RPS6KC1: variants seen among roughly 807,000 people sequenced by gnomAD.
RPS6KC1 encodes inactive ribosomal protein S6 kinase delta-1.
Under a neutral mutation model 103.8 loss-of-function variants are expected in RPS6KC1, and 54 were observed. The observed-to-expected ratio is 0.52, with a 90% CI of 0.42 to 0.65. The LOEUF (loss-of-function observed/expected upper bound fraction) is 0.65, where lower values mean the gene tolerates loss of function less well. Among genes scored for constraint, RPS6KC1 ranks in the 30% least tolerant of loss-of-function variants. The probability of loss-of-function intolerance (pLI) is 0.00; values close to 1 mark genes in which losing one functional copy is unlikely to be tolerated. For missense variants in RPS6KC1, 1,151 were observed against 1,253.8 expected (o/e 0.92, Z 1.24); for synonymous variants, 439 against 438.7 (o/e 1.00, Z -0.01).
intron 6 of RPS6KC1, among the ~76,000 whole-genome samples, chr1:213,149,587 A>G (rs1026992733): frequency 2.6e-4 from 40 of 152,206 alleles, no homozygotes; most frequent in African/African-American, 9.4e-4. Flanking sequence ...CTTGGAAATG[A>G]TCAATGTAGT....
chr1:213,762,900 C>T, the RPS6KC1 span, among the ~76,000 whole-genome samples: 1 of 148,052 alleles, frequency 6.8e-6, no homozygotes, highest in Non-Finnish European at 1.5e-5. Flanking sequence ...CTCTCCCTGT[C>T]GCCCAGACTG....
At chr1:213,558,596 G>T in the RPS6KC1 span, among the ~76,000 whole-genome samples, 1 of 152,152 alleles carries the variant, frequency 6.6e-6, no homozygotes, top group Non-Finnish European at 1.5e-5. Context: ...TGTCTTTCTG[G>T]CCAATGACAG....
At chr1:213,504,949 T>C in the RPS6KC1 span, among the ~76,000 whole-genome samples, 1 of 152,168 alleles carries the variant, frequency 6.6e-6, no homozygotes, top group African/African-American at 2.4e-5. Context: ...GTTTACCTCA[T>C]TCCTAATCCT....
chr1:213,092,792 A>G (rs1157574673), intron 3 of RPS6KC1, among the ~76,000 whole-genome samples: 2 of 152,250 alleles, frequency 1.3e-5, no homozygotes, highest in African/African-American at 2.4e-5. Context: ...AAATAAACAT[A>G]TATGAATCAT....
rs775210376 is a variant in RPS6KC1 at position 213,176,471 on chromosome 1, A to G, written c.1023A>G (p.Arg341=). The G allele has an allele frequency of 1.2e-6, 2 of 1,607,940 alleles. No homozygotes were observed. Among genetic ancestry groups the G allele is most frequent in the South Asian group, 2.2e-5 (2 of 90,416 alleles). The part of the protein sequence containing the change: ...RSPAEELKAF[R]VLGVIDKVLL... The stretch of plus-strand genomic sequence containing the variant: ...CTGCCGAGGAGCTGAAGGCCTTCAG[A>G]GTCCTTGGGGTGATTGACAAGGTAA... The change falls in exon 8 of 15, where the codon AGA becomes AGG. Residue 341 remains arginine, a synonymous_variant. Transcript: ENST00000366960.
At position 213,121,007 on chromosome 1, in the gene RPS6KC1, A is replaced by G. The variant is rs527588354; in HGVS notation, c.472+3597A>G. ...TCACCGTGTTACCCAGGCTTAGTGC[A>G]GCCTTCATGTCCTGGGCTCAAGTGA... is the stretch of plus-strand genomic sequence containing the variant. On this transcript the variant is annotated intron_variant, in intron 5 of 14. Transcript: ENST00000366960. 2.0e-5 allele frequency among the ~76,000 whole-genome samples: 3 copies of G among 152,316 alleles called. No individual in the cohort carries two copies. The South Asian group carries it at 6.2e-4, about 32-fold the overall frequency.
intron 7 of RPS6KC1, among the ~76,000 whole-genome samples, chr1:213,169,915 G>A (rs986067451): frequency 2.0e-5 from 3 of 151,634 alleles, no homozygotes; most frequent in African/African-American, 7.3e-5. Context: ...CCGAGTAGCT[G>A]GGACTACAGG....
At chr1:213,290,171 A>G in the RPS6KC1 span, among the ~76,000 whole-genome samples, 3 of 149,946 alleles carry the variant, frequency 2.0e-5, no homozygotes, top group African/African-American at 7.4e-5. Flanking sequence ...AAAAAAAAGA[A>G]TCAATCGGTC....
At chr1:213,856,177 A>G in the RPS6KC1 span, among the ~76,000 whole-genome samples, 1 of 152,140 alleles carries the variant, frequency 6.6e-6, no homozygotes, top group African/African-American at 2.4e-5. Flanking sequence ...CCCCTCACAC[A>G]CACACAGTGG....
chr1:213,556,983 A>T, the RPS6KC1 span, among the ~76,000 whole-genome samples: 1 of 152,196 alleles, frequency 6.6e-6, no homozygotes. Context: ...AGGACTAAAC[A>T]GTGGAAGAGA....
intron 8 of RPS6KC1, among the ~76,000 whole-genome samples, chr1:213,180,972 T>C (rs945102941): frequency 6.6e-6 from 1 of 152,172 alleles, no homozygotes; most frequent in Non-Finnish European, 1.5e-5. Context: ...AACGTACCAA[T>C]GTTACTTTCC....
chr1:213,838,580 C>G, the RPS6KC1 span, among the ~76,000 whole-genome samples: 1 of 150,880 alleles, frequency 6.6e-6, no homozygotes, highest in African/African-American at 2.4e-5. Context: ...TTGTATTTTT[C>G]TGAGAAAAAA....
At chr1:213,399,693 C>T in the RPS6KC1 span, among the ~76,000 whole-genome samples, 1 of 152,188 alleles carries the variant, frequency 6.6e-6, no homozygotes, top group East Asian at 1.9e-4. Flanking sequence ...CTCTTTCAGT[C>T]CCAGGAGCTG....
the RPS6KC1 span, among the ~76,000 whole-genome samples, chr1:213,304,392 C>G: frequency 6.6e-6 from 1 of 151,944 alleles, no homozygotes; most frequent in East Asian, 1.9e-4. Flanking sequence ...AATGTAGAAA[C>G]TTTCAAAGAA....
At chr1:213,492,575 GGTAA>G in the RPS6KC1 span, 5 of 152,238 alleles carry the variant, frequency 3.3e-5, no homozygotes, top group African/African-American at 1.2e-4. Context: ...CTACGAAGGA[GGTAA>G]GTGTTTTCTC....
chr1:213,095,465 C>T (rs1207385883), intron 3 of RPS6KC1, among the ~76,000 whole-genome samples: 1 of 152,154 alleles, frequency 6.6e-6, no homozygotes, highest in South Asian at 2.1e-4. Flanking sequence ...ATACCAAAGA[C>T]AGCTTATAAA....
At chr1:213,539,506 G>A in the RPS6KC1 span, among the ~76,000 whole-genome samples, 6 of 152,186 alleles carry the variant, frequency 3.9e-5, no homozygotes, top group Non-Finnish European at 7.3e-5. Context: ...GCTCCAGACT[G>A]GGCTCTCAAT....
At chr1:213,196,374 C>T (rs2092948408) in intron 8 of RPS6KC1, among the ~76,000 whole-genome samples, 1 of 152,004 alleles carries the variant, frequency 6.6e-6, no homozygotes, top group Non-Finnish European at 1.5e-5. Context: ...TGTAGATTCT[C>T]CGTATTAGTC....
At chr1:213,777,539 A>G in the RPS6KC1 span, among the ~76,000 whole-genome samples, 1 of 152,174 alleles carries the variant, frequency 6.6e-6, no homozygotes, top group Admixed American at 6.5e-5. Context: ...AACACTGACC[A>G]CAGATCACCA....
Sources: gnomAD v4.1 joint callset for allele counts (sites outside exome capture counted in the v4.1 genomes callset) on GRCh38, gnomAD v4.1.1 for gene constraint, MANE v1.5 for transcripts, NCBI Gene and HGNC (gene_info 2026-07-23, HGNC 2026-07-21) for gene names.